Variants in ELMO1 observed in about 807,000 individuals in gnomAD.
ELMO1 encodes the protein engulfment and cell motility protein 1.
Under a neutral mutation model 98.9 loss-of-function variants are expected in ELMO1, and 26 were observed. The ratio of observed to expected loss-of-function variants is 0.26; its 90% CI spans 0.19 to 0.36. The LOEUF (loss-of-function observed/expected upper bound fraction) is 0.36, where lower values mean the gene tolerates loss of function less well. Ranked by LOEUF, ELMO1 falls within the 10% of genes least tolerant of loss-of-function variation. The pLI, the probability that ELMO1 is intolerant of heterozygous loss-of-function variation, is 1.00. For missense variants in ELMO1, 627 were observed against 935.2 expected, an observed-to-expected ratio of 0.67 and a Z score of 4.30; for synonymous variants, 346 against 346.0, an observed-to-expected ratio of 1.00 and a Z score of 0.00.
chr7:37,215,911 G>GT (rs1334222922), intron 11 of ELMO1, among the ~76,000 whole-genome samples: 2 of 151,878 alleles, frequency 1.3e-5, no homozygotes, highest in East Asian at 3.9e-4. Context: ...AGGACCAAGT[G>GT]TTTTTAACTG....
rs141960023 is a variant in ELMO1 at position 37,118,299 on chromosome 7, G to C, written c.1191+14831C>G. 1.8e-4 allele frequency among the ~76,000 whole-genome samples: 28 copies of C among 152,332 alleles called. No homozygotes were observed. The East Asian group carries it at 5.2e-3, about 28-fold the overall frequency. ...ACTCTATGGTCTGACTCCTGGTACA[G>C]AGGGCTGATGATGCTCAGAGCTCCC... is the stretch of plus-strand genomic sequence containing the variant. On this transcript the variant is annotated intron_variant, in intron 14 of 21. Transcript: ENST00000310758.
Position 37,442,160 on chromosome 7 carries a change from G to A in ELMO1, c.-74+6515C>T, listed in dbSNP as rs151033857. On this transcript the variant is annotated intron_variant, in intron 1 of 21. Transcript: ENST00000310758. The stretch of plus-strand genomic sequence containing the variant: ...AGGCCAGGGAAGGCAGTAAACATTC[G>A]ACAGTACACAGGACAGCCCTTACAA... 4.4e-4 allele frequency among the ~76,000 whole-genome samples: 67 copies of A among 152,254 alleles called. No individual in the cohort carries two copies. The East Asian group carries it at 0.011, about 25-fold the overall frequency.
intron 2 of ELMO1, among the ~76,000 whole-genome samples, chr7:37,321,040 C>T (rs900607061): frequency 2.6e-5 from 4 of 152,164 alleles, no homozygotes; most frequent in East Asian, 1.9e-4. Context: ...GAATGTAATT[C>T]AACAGATGAT....
At chr7:37,287,708 C>T (rs1797466326) in intron 4 of ELMO1, among the ~76,000 whole-genome samples, 2 of 152,162 alleles carry the variant, frequency 1.3e-5, no homozygotes, top group East Asian at 1.9e-4. Flanking sequence ...AGTAGCTTTT[C>T]ATTGTACTTG....
Position 37,046,590 on chromosome 7 carries a change from GAAT to G in ELMO1, c.1301-33158_1301-33156del, listed in dbSNP as rs80329575. ...ATTGGTGAATCAAACACGGGAATGA[GAAT>G]GATGAAAACAAAACAAAACAAAAAG... is the stretch of plus-strand genomic sequence containing the variant. On this transcript the variant is annotated intron_variant, in intron 15 of 21. Coordinates refer to ENST00000310758, the MANE Select transcript of ELMO1 (RefSeq NM_014800.11). Among the ~76,000 whole-genome samples the G allele has an allele frequency of 3.6e-3, 551 of 152,266 alleles. 4 individuals are homozygous for G. Among genetic ancestry groups the G allele is most frequent in the East Asian group, 0.025 (129 of 5,180 alleles).
chr7:36,965,556 G>A (rs1789349719), intron 16 of ELMO1, among the ~76,000 whole-genome samples: 1 of 152,064 alleles, frequency 6.6e-6, no homozygotes, highest in Non-Finnish European at 1.5e-5. Context: ...TATATGTAGG[G>A]TTCTACTCTG....
intron 14 of ELMO1, among the ~76,000 whole-genome samples, chr7:37,126,292 A>G (rs1786510413): frequency 9.1e-6 from 1 of 110,342 alleles, no homozygotes; most frequent in African/African-American, 3.9e-5. Context: ...AACTTAAAGT[A>G]TAATTTAAAT....
At chr7:37,441,632 A>G (rs1805420289) in intron 1 of ELMO1, among the ~76,000 whole-genome samples, 1 of 152,148 alleles carries the variant, frequency 6.6e-6, no homozygotes, top group Non-Finnish European at 1.5e-5. Flanking sequence ...CACCTCCCTC[A>G]TTTCATTTAT....
At chr7:37,345,032 A>T (rs577307915) in intron 1 of ELMO1, among the ~76,000 whole-genome samples, 2 of 152,338 alleles carry the variant, frequency 1.3e-5, no homozygotes, top group South Asian at 4.1e-4. Flanking sequence ...CCTCAACAAC[A>T]CCAGCAGTTA....
At chr7:37,424,661 G>A (rs747129661) in intron 1 of ELMO1, among the ~76,000 whole-genome samples, 7 of 152,064 alleles carry the variant, frequency 4.6e-5, no homozygotes, top group Admixed American at 1.3e-4. Flanking sequence ...TAGCAATGCC[G>A]AAAAACCTAC....
chr7:37,080,265 T>TC (rs1361095749), intron 15 of ELMO1, among the ~76,000 whole-genome samples: 4 of 152,178 alleles, frequency 2.6e-5, no homozygotes, highest in African/African-American at 7.2e-5. Flanking sequence ...TAACTTGCTC[T>TC]CCCACAGTCT....
intron 19 of ELMO1, among the ~76,000 whole-genome samples, chr7:36,874,891 A>G (rs546051030): frequency 1.3e-5 from 2 of 152,376 alleles, no homozygotes; most frequent in Non-Finnish European, 2.9e-5. Context: ...GAAAAGGAAT[A>G]CAAAAAGAAA....
Position 36,855,824 on chromosome 7 carries a change from C to T in ELMO1, c.1984-73G>A. 2 of 1,548,874 alleles carry T rather than the reference C, an allele frequency of 1.3e-6. No individual in the cohort carries two copies. Among genetic ancestry groups the T allele is most frequent in the African/African-American group, 2.7e-5 (2 of 73,758 alleles). On this transcript the variant is annotated intron_variant, in intron 21 of 21. Coordinates refer to ENST00000310758, the MANE Select transcript of ELMO1 (RefSeq NM_014800.11). The surrounding 1 kb of genome is among the most constrained non-coding windows in gnomAD (Gnocchi z 4.2). ...AAGTATTAATAGTAAAAATAGCTAACAGTGAATACTCATCCCTCAGTAGGC... is the reference window on the plus strand; with the variant it reads ...AAGTATTAATAGTAAAAATAGCTAATAGTGAATACTCATCCCTCAGTAGGC...
intron 15 of ELMO1, among the ~76,000 whole-genome samples, chr7:37,074,437 T>C (rs1797452509): frequency 6.6e-6 from 1 of 152,188 alleles, no homozygotes; most frequent in Admixed American, 6.5e-5. Flanking sequence ...TTTTCGGTTA[T>C]CTTCACCAGA....
Position 36,855,701 on chromosome 7 carries a change from C to G in ELMO1, c.2034G>C (p.Met678Ile), listed in dbSNP as rs1054649854. 5 of 1,614,000 alleles carry G rather than the reference C, an allele frequency of 3.1e-6. No individual in the cohort carries two copies. ...GLNALLGKDM[M>I]SDLTRNDLDT... Reference sequence around the variant, plus strand: ...CCAGGTCATTCCGCGTCAGGTCGCTCATCATGTCCTTCCCGAGTAGCGCAT... The same window carrying G: ...CCAGGTCATTCCGCGTCAGGTCGCTGATCATGTCCTTCCCGAGTAGCGCAT... Residue 678 changes from methionine (M) to isoleucine (I), a missense_variant, in exon 22 of 22, where the codon ATG becomes ATC. Coordinates refer to ENST00000310758, the MANE Select transcript of ELMO1 (RefSeq NM_014800.11). The surrounding 1 kb of genome is among the most constrained non-coding windows in gnomAD (Gnocchi z 4.2).
chr7:37,408,111 C>T (rs1562671996), intron 1 of ELMO1, among the ~76,000 whole-genome samples: 1 of 152,174 alleles, frequency 6.6e-6, no homozygotes, highest in Non-Finnish European at 1.5e-5. Flanking sequence ...TATATCCACA[C>T]TATATTTGTA....
intron 15 of ELMO1, among the ~76,000 whole-genome samples, chr7:37,050,658 AC>A (rs1465225394): frequency 8.7e-4 from 129 of 148,012 alleles, no homozygotes; most frequent in South Asian, 1.9e-3. Flanking sequence ...ACACACACAC[AC>A]AAAAGGTAAC....
intron 16 of ELMO1, among the ~76,000 whole-genome samples, chr7:36,918,997 G>A (rs73106658): frequency 8.0e-5 from 12 of 150,710 alleles, no homozygotes; most frequent in African/African-American, 2.2e-4. Context: ...CATTCATTCA[G>A]TCAGTCAGTC....
intron 15 of ELMO1, among the ~76,000 whole-genome samples, chr7:37,018,516 G>A (rs1013261715): frequency 3.3e-5 from 5 of 151,478 alleles, no homozygotes; most frequent in African/African-American, 9.7e-5. Flanking sequence ...TTGTTTTGTC[G>A]CCCAGGCTGG....
Sources: allele counts gnomAD v4.1 joint callset (sites outside exome capture counted in the v4.1 genomes callset), GRCh38; gene constraint gnomAD v4.1.1; non-coding constraint Gnocchi (gnomAD v3.1); transcripts MANE v1.5; gene names NCBI Gene and HGNC (gene_info 2026-07-23, HGNC 2026-07-21).